DMD: variants seen among roughly 807,000 people sequenced by gnomAD.
DMD encodes the protein mutant dystrophin.
A neutral mutation model predicts 330.1 loss-of-function variants in DMD; 63 were observed. The ratio of observed to expected loss-of-function variants is 0.19; its 90% CI spans 0.16 to 0.24. The LOEUF is 0.24. Among genes scored for constraint, DMD ranks in the 10% least tolerant of loss-of-function variants. The pLI is 1.00. For synonymous variants in DMD, 1,223 were observed against 959.8 expected, an observed-to-expected ratio of 1.27 and a Z score of -5.07; for missense variants, 3,344 against 2,684.1, an observed-to-expected ratio of 1.25 and a Z score of -5.43.
At chrX:33,020,222 T>A in intron 1 of DMD, 22 bp from the exon 2 acceptor site, 1 of 1,077,476 alleles carries the variant, frequency 9.3e-7, no homozygotes, top group Non-Finnish European at 1.3e-6. Flanking sequence ...AATAAAAAAA[T>A]AAAAGTTAGG....
At chrX:31,949,295 A>G (rs953699792) in intron 45 of DMD, among the ~76,000 whole-genome samples, 3 of 111,296 alleles carry the variant, frequency 2.7e-5, no homozygotes, top group Admixed American at 1.9e-4. Context: ...AACATGGAAT[A>G]TGGTCCCATT....
At chrX:31,802,250 T>C (rs1160401420) in intron 50 of DMD, among the ~76,000 whole-genome samples, 1 of 110,794 alleles carries the variant, frequency 9.0e-6, no homozygotes, top group Non-Finnish European at 1.9e-5. Flanking sequence ...ATCAAATTTA[T>C]ATTTTGAATT....
At chrX:31,660,186 C>T (rs1178008751) in intron 53 of DMD, among the ~76,000 whole-genome samples, 2 of 112,327 alleles carry the variant, frequency 1.8e-5, no homozygotes, top group African/African-American at 3.2e-5. Context: ...TCTAAAGGCA[C>T]AGAGCATAGT....
intron 2 of DMD, among the ~76,000 whole-genome samples, chrX:32,974,136 C>A (rs1216220132): frequency 9.0e-6 from 1 of 111,667 alleles, no homozygotes; most frequent in Non-Finnish European, 1.9e-5. Flanking sequence ...CTGATACATT[C>A]TACAATATGA....
intron 1 of DMD, among the ~76,000 whole-genome samples, chrX:33,102,465 TTTTCTCATCAG>T (rs2095249286): frequency 9.0e-6 from 1 of 111,283 alleles, no homozygotes; most frequent in South Asian, 3.7e-4. Flanking sequence ...TTTCTTCAAA[TTTTCTCATCAG>T]ATAACCTCTC....
At chrX:32,040,309 G>C (rs2095989890) in intron 44 of DMD, among the ~76,000 whole-genome samples, 1 of 111,430 alleles carries the variant, frequency 9.0e-6, no homozygotes, top group Non-Finnish European at 1.9e-5. Context: ...AAACTCAAAA[G>C]AGAACCAACA....
intron 51 of DMD, among the ~76,000 whole-genome samples, chrX:31,748,773 C>A (rs1368554709): frequency 8.9e-6 from 1 of 111,842 alleles, no homozygotes; most frequent in Non-Finnish European, 1.9e-5. Context: ...CTCAATGGTT[C>A]TGTACTTACA....
rs781614198 is a variant in DMD, at chrX:32,168,667, T to A, written c.6438+48249A>T. On this transcript the variant is annotated intron_variant, in intron 44 of 78. Transcript: ENST00000357033. Reference sequence around the variant, plus strand: ...TGTTACTTAATATTTAACCTATCTTTTCCCCGAAGGGCTCAAGCTGATTAT... The same window carrying A: ...TGTTACTTAATATTTAACCTATCTTATCCCCGAAGGGCTCAAGCTGATTAT... Among the ~76,000 whole-genome samples the A allele has an allele frequency of 2.7e-5, 3 of 111,294 alleles. No homozygotes were observed. The South Asian group carries it at 1.1e-3, about 42-fold the overall frequency.
chrX:32,035,260 T>TA (rs2095933247), intron 44 of DMD, among the ~76,000 whole-genome samples: 1 of 111,846 alleles, frequency 8.9e-6, no homozygotes, highest in African/African-American at 3.2e-5. Context: ...ATATTTGATT[T>TA]AAAAAATTTA....
chrX:31,278,496 C>A (rs1386119599), intron 62 of DMD, among the ~76,000 whole-genome samples: 2 of 111,428 alleles, frequency 1.8e-5, no homozygotes, highest in African/African-American at 6.5e-5. Flanking sequence ...GTCTTCTCTG[C>A]CAGCTGTTCG....
chrX:31,974,884 C>T (rs1302618206), intron 44 of DMD, among the ~76,000 whole-genome samples: 3 of 95,165 alleles, frequency 3.2e-5, no homozygotes, highest in Non-Finnish European at 6.2e-5. Context: ...ATGTATTTAT[C>T]TTATTCATAT....
intron 2 of DMD, among the ~76,000 whole-genome samples, chrX:32,889,280 A>G (rs2084958306): frequency 9.0e-6 from 1 of 111,527 alleles, no homozygotes; most frequent in South Asian, 3.8e-4. Context: ...ACATGCCTCC[A>G]GCAAACACAG....
At chrX:32,971,969 T>C (rs929411691) in intron 2 of DMD, among the ~76,000 whole-genome samples, 6 of 110,793 alleles carry the variant, frequency 5.4e-5, no homozygotes, top group African/African-American at 2.0e-4. Context: ...TATTTGCGAG[T>C]AGATAAGGTA....
chrX:31,283,584 C>T (rs2052791122), intron 62 of DMD, among the ~76,000 whole-genome samples: 1 of 111,175 alleles, frequency 9.0e-6, no homozygotes, highest in Non-Finnish European at 1.9e-5. Context: ...TATATTTCAC[C>T]TTCATCATGA....
intron 9 of DMD, among the ~76,000 whole-genome samples, chrX:32,653,716 G>A (rs2060342881): frequency 9.0e-6 from 1 of 111,611 alleles, no homozygotes; most frequent in Non-Finnish European, 1.9e-5. Flanking sequence ...TAGCTTGATG[G>A]GGATGGCATT....
At chrX:32,995,305 T>C (rs185807892) in intron 2 of DMD, among the ~76,000 whole-genome samples, 2 of 112,442 alleles carry the variant, frequency 1.8e-5, no homozygotes, top group African/African-American at 3.2e-5. Context: ...TTTTAAATAA[T>C]GTACATAGAA....
At chrX:32,406,056 C>T (rs1199116831) in intron 30 of DMD, among the ~76,000 whole-genome samples, 1 of 111,329 alleles carries the variant, frequency 9.0e-6, no homozygotes, top group Non-Finnish European at 1.9e-5. Flanking sequence ...CTCTGTTTGT[C>T]TGTTATTGGT....
intron 7 of DMD, among the ~76,000 whole-genome samples, chrX:32,747,367 C>A (rs1434359441): frequency 8.9e-6 from 1 of 112,303 alleles, no homozygotes; most frequent in Admixed American, 9.5e-5. Context: ...CGAGTACCAT[C>A]AGCCTCACCT....
At chrX:33,309,278 C>T (rs73461924) in intron 1 of DMD, among the ~76,000 whole-genome samples, 2,758 of 111,100 alleles carry the variant, frequency 0.025, 77 homozygotes, top group African/African-American at 0.085. Flanking sequence ...TGCTCTAGCG[C>T]GCTATGTTAT....
Sources: gnomAD v4.1 joint callset for allele counts (sites outside exome capture counted in the v4.1 genomes callset) on GRCh38, gnomAD v4.1.1 for gene constraint, MANE v1.5 for transcripts, NCBI Gene and HGNC (gene_info 2026-07-23, HGNC 2026-07-21) for gene names.